Variants in PRKN observed in about 807,000 individuals in gnomAD.
PRKN encodes E3 ubiquitin-protein ligase parkin.
Under a neutral mutation model 59.5 loss-of-function variants are expected in PRKN, and 56 were observed. That is an observed-to-expected ratio of 0.94 (90% CI 0.76 to 1.18). The LOEUF (loss-of-function observed/expected upper bound fraction) is 1.18, where lower values mean the gene tolerates loss of function less well. Among genes scored for constraint, PRKN ranks in the 50% most tolerant of loss-of-function variants. PRKN has a pLI of 0.00. For synonymous variants in PRKN, 250 were observed against 222.1 expected (o/e 1.13, Z -1.12); for missense variants, 657 against 596.4 (o/e 1.10, Z -1.06).
intron 1 of PRKN, among the ~76,000 whole-genome samples, chr6:162,717,283 T>C (rs192721635): frequency 6.6e-5 from 10 of 152,180 alleles, no homozygotes; most frequent in Non-Finnish European, 1.2e-4. Flanking sequence ...TAGTCCCTTT[T>C]AGTCACTTTG....
chr6:161,567,583 G>T (rs556175902), intron 8 of PRKN, among the ~76,000 whole-genome samples: 1 of 152,060 alleles, frequency 6.6e-6, no homozygotes, highest in Non-Finnish European at 1.5e-5. Flanking sequence ...GTGTGTTTGC[G>T]CGTGTGTTTG....
At chr6:162,210,291 G>A (rs77670319) in intron 3 of PRKN, among the ~76,000 whole-genome samples, 2,295 of 151,994 alleles carry the variant, frequency 0.015, 61 homozygotes, top group African/African-American at 0.053. Flanking sequence ...ATCTAACTCA[G>A]TAGACTGTGG....
intron 1 of PRKN, among the ~76,000 whole-genome samples, chr6:162,717,687 C>G (rs1243920654): frequency 6.6e-6 from 1 of 151,834 alleles, no homozygotes; most frequent in Non-Finnish European, 1.5e-5. Context: ...AGGAACTACA[C>G]AAAAACTAAT....
chr6:162,015,938 G>A (rs1042349906), intron 5 of PRKN, among the ~76,000 whole-genome samples: 3 of 152,086 alleles, frequency 2.0e-5, no homozygotes, highest in African/African-American at 4.8e-5. Flanking sequence ...TCATTTACAC[G>A]AAACAGAACC....
At chr6:162,449,554 T>C (rs1463445863) in intron 1 of PRKN, among the ~76,000 whole-genome samples, 1 of 152,088 alleles carries the variant, frequency 6.6e-6, no homozygotes, top group Admixed American at 6.5e-5. Flanking sequence ...TATTTTTTAA[T>C]TGCTATTTTT....
intron 1 of PRKN, among the ~76,000 whole-genome samples, chr6:162,616,519 T>G (rs1201139993): frequency 6.6e-6 from 1 of 152,132 alleles, no homozygotes; most frequent in Non-Finnish European, 1.5e-5. Flanking sequence ...TGCATGACAC[T>G]CTATACAATG....
intron 7 of PRKN, among the ~76,000 whole-genome samples, chr6:161,782,481 CT>C (rs1382232353): frequency 4.0e-5 from 6 of 151,748 alleles, no homozygotes; most frequent in African/African-American, 1.5e-4. Context: ...TATTATTTAC[CT>C]TTGGGAGAGA....
chr6:161,691,403 T>G (rs1785787955), intron 7 of PRKN, among the ~76,000 whole-genome samples: 1 of 152,250 alleles, frequency 6.6e-6, no homozygotes, highest in Admixed American at 6.5e-5. Flanking sequence ...CCATAAGTTC[T>G]GCTTTCCAAG....
rs115464073 is a variant in PRKN at position 162,057,651 on chromosome 6, G to A, written c.535-3477C>T. Reference sequence around the variant, plus strand: ...TGCTACAATGAATACACTTTTTAACGTGAGGACCTTTCTTACTCCTATACA... The same window carrying A: ...TGCTACAATGAATACACTTTTTAACATGAGGACCTTTCTTACTCCTATACA... On this transcript the variant is annotated intron_variant, in intron 4 of 11. Coordinates refer to ENST00000366898, the MANE Select transcript of PRKN (RefSeq NM_004562.3). Among the ~76,000 whole-genome samples, 1,348 of 152,264 alleles carry A rather than the reference G, an allele frequency of 8.9e-3. 19 individuals carry two copies. The highest frequency in any genetic ancestry group is 0.03 in the African/African-American group (1,261 of 41,548).
chr6:162,021,899 A>G (rs1412566557), intron 5 of PRKN, among the ~76,000 whole-genome samples: 3 of 152,006 alleles, frequency 2.0e-5, no homozygotes, highest in East Asian at 1.9e-4. Flanking sequence ...CTTTATGTCC[A>G]TGTGTACCCA....
At chr6:162,565,146 AG>A (rs1191172089) in intron 1 of PRKN, among the ~76,000 whole-genome samples, 4 of 152,198 alleles carry the variant, frequency 2.6e-5, no homozygotes, top group Non-Finnish European at 5.9e-5. Flanking sequence ...AGTTTTTATT[AG>A]TTTTCTTTTT....
At chr6:162,719,753 G>T (rs929482083) in intron 1 of PRKN, among the ~76,000 whole-genome samples, 2 of 152,126 alleles carry the variant, frequency 1.3e-5, no homozygotes, top group Non-Finnish European at 2.9e-5. Context: ...AACAAGTAAG[G>T]AAGAAATTCA....
intron 7 of PRKN, among the ~76,000 whole-genome samples, chr6:161,590,123 T>C (rs1457588870): frequency 3.3e-5 from 5 of 152,106 alleles, no homozygotes; most frequent in African/African-American, 1.2e-4. Context: ...ATTATAATTT[T>C]ATTTAGGATA....
At chr6:162,668,795 A>G (rs1055577512) in intron 1 of PRKN, among the ~76,000 whole-genome samples, 21 of 152,186 alleles carry the variant, frequency 1.4e-4, no homozygotes, top group Admixed American at 5.9e-4. Flanking sequence ...CCAGGGACAT[A>G]AAGTAGGAAC....
rs9365364 is a variant in PRKN, at chr6:162,054,402, A to C, written c.535-228T>G. Among the ~76,000 whole-genome samples the C allele has an allele frequency of 0.71, 108,636 of 152,138 alleles. 39,383 individuals are homozygous for C. Among genetic ancestry groups the C allele is most frequent in the Admixed American group, 0.82 (12,484 of 15,298 alleles). ...AAGACGATATTTGACATTTTGCTCC[A>C]AACCTGTTCGTTTTCCACTTATAGC... On this transcript the variant is annotated intron_variant, in intron 4 of 11. Coordinates refer to ENST00000366898, the MANE Select transcript of PRKN (RefSeq NM_004562.3).
At chr6:162,463,209 G>A (rs919852906) in intron 1 of PRKN, among the ~76,000 whole-genome samples, 8 of 152,108 alleles carry the variant, frequency 5.3e-5, no homozygotes, top group Admixed American at 4.6e-4. Flanking sequence ...GTTATTAAAT[G>A]ATGAGAATGT....
intron 1 of PRKN, among the ~76,000 whole-genome samples, chr6:162,552,970 G>A (rs746386767): frequency 2.6e-5 from 4 of 152,150 alleles, no homozygotes; most frequent in Non-Finnish European, 5.9e-5. Flanking sequence ...GAGAGGCTGC[G>A]TAAGAACAAA....
chr6:162,568,555 TC>T, intron 1 of PRKN: 1 of 811,922 alleles, frequency 1.2e-6, no homozygotes. Context: ...GACCCCAACA[TC>T]CAGGCCGTGC....
rs1034447790 is a variant in PRKN at position 162,218,205 on chromosome 6, C to A, written c.413-16953G>T. 3.3e-5 allele frequency among the ~76,000 whole-genome samples: 5 copies of A among 152,196 alleles called. 1 individual carries two copies. The highest frequency in any genetic ancestry group is 1.2e-4 in the African/African-American group (5 of 41,450). ...TTTCCAGAAGGCGGTGCTGACCAGG[C>A]CGCTCCCTGCGGAAGCCCCTCTGGG... On this transcript the variant is annotated intron_variant, in intron 3 of 11. Transcript: ENST00000366898.
Sources: allele counts gnomAD v4.1 joint callset (sites outside exome capture counted in the v4.1 genomes callset), GRCh38; gene constraint gnomAD v4.1.1; transcripts MANE v1.5; gene names NCBI Gene and HGNC (gene_info 2026-07-23, HGNC 2026-07-21).